Variants in YWHAE observed in about 807,000 individuals in gnomAD.
The protein encoded by YWHAE is tyrosine 3-monooxygenase/tryptophan 5-monooxygenase activation protein epsilon.
In YWHAE, 4 loss-of-function variants were observed where a neutral mutation model predicts 30.1. The ratio of observed to expected loss-of-function variants is 0.13; its 90% CI spans 0.07 to 0.30. YWHAE has a LOEUF of 0.30. YWHAE is among the 10% of genes least tolerant of loss of function. The pLI is 1.00. For missense variants in YWHAE, 121 were observed against 315.9 expected (o/e 0.38, Z 4.68); for synonymous variants, 118 against 111.8 (o/e 1.06, Z -0.35).
chr17:1,385,421 A>G (rs2073285526), intron 1 of YWHAE, among the ~76,000 whole-genome samples: 1 of 152,156 alleles, frequency 6.6e-6, no homozygotes, highest in Non-Finnish European at 1.5e-5. Flanking sequence ...ACGAAAAAGT[A>G]CACCATACTG....
intron 3 of YWHAE, 184 bp downstream of exon 3, chr17:1,361,718 T>A: frequency 1.9e-6 from 1 of 519,592 alleles, no homozygotes; most frequent in Non-Finnish European, 3.4e-6. Flanking sequence ...CAAAAGAATA[T>A]AAATAAGCAA....
At chr17:1,363,798 T>C (rs538958975) in intron 2 of YWHAE, among the ~76,000 whole-genome samples, 84 of 123,254 alleles carry the variant, frequency 6.8e-4, no homozygotes, top group Non-Finnish European at 1.3e-3. Context: ...CCAACCTCAC[T>C]TTCCACCTGC....
chr17:1,374,639 G>C (rs916261035), intron 1 of YWHAE, among the ~76,000 whole-genome samples: 4 of 152,164 alleles, frequency 2.6e-5, no homozygotes, highest in Admixed American at 6.5e-5. Context: ...GTGTGAAGCT[G>C]TATCTCTTTG....
intron 1 of YWHAE, among the ~76,000 whole-genome samples, chr17:1,377,096 TAA>T (rs2073137372): frequency 6.6e-6 from 1 of 152,024 alleles, no homozygotes; most frequent in South Asian, 2.1e-4. Flanking sequence ...ATATTTTTAG[TAA>T]AGACAGGGTT....
intron 4 of YWHAE, among the ~76,000 whole-genome samples, chr17:1,360,115 A>T (rs1286010963): frequency 6.6e-6 from 1 of 152,080 alleles, no homozygotes; most frequent in Non-Finnish European, 1.5e-5. Context: ...GGCATGCACC[A>T]CCACACCCGG....
chr17:1,387,924 CTTT>C (rs35930155), intron 1 of YWHAE, among the ~76,000 whole-genome samples: 5 of 75,708 alleles, frequency 6.6e-5, no homozygotes, highest in East Asian at 3.8e-4. Flanking sequence ...CTGCACCTGG[CTTT>C]TTTTTTTTTT....
In YWHAE at chr17:1,361,933, T is replaced by C. The variant is rs780263256; in HGVS notation, c.340A>G (p.Thr114Ala). ...TAATAGAAAACCTTGGACTCGCCAGTGTTAGCTGCTGGAATGAGGTGTTTG... is the reference window on the plus strand; with the variant it reads ...TAATAGAAAACCTTGGACTCGCCAGCGTTAGCTGCTGGAATGAGGTGTTTG... Reference protein sequence around the residue: ...LDKHLIPAANTGESKVFYYKM... With the variant: ...LDKHLIPAANAGESKVFYYKM... Residue 114 changes from threonine (T) to alanine (A), a missense_variant, in exon 3 of 6, where the codon ACT (threonine) becomes GCT (alanine). Transcript: ENST00000264335. 1 of 1,606,522 alleles carries C rather than the reference T, an allele frequency of 6.2e-7. No homozygotes were observed. The highest frequency in any genetic ancestry group is 8.5e-7 in the Non-Finnish European group (1 of 1,177,830).
chr17:1,383,420 G>A (rs2073248044), intron 1 of YWHAE, among the ~76,000 whole-genome samples: 1 of 142,584 alleles, frequency 7.0e-6, no homozygotes, highest in Non-Finnish European at 1.5e-5. Context: ...CGGAGTCTTG[G>A]TCTGTTGCCC....
In YWHAE at chr17:1,345,161, C is replaced by T. The variant is rs916368844; in HGVS notation, c.*286G>A. The stretch of plus-strand genomic sequence containing the variant: ...AATGGTGATCTTGCCACATCTGGCA[C>T]GGAGACGACACAGTAATGCTGAAAA... On this transcript the variant is annotated 3_prime_UTR_variant, in exon 6 of 6. Coordinates refer to ENST00000264335, the MANE Select transcript of YWHAE (RefSeq NM_006761.5). 2.1e-5 allele frequency: 9 copies of T among 438,868 alleles called. No individual in the cohort carries two copies. The highest frequency in any genetic ancestry group is 3.2e-5 in the Non-Finnish European group (8 of 247,260). The allele number at this position is 438,868 out of a possible 1,614,324, so 27.2% of individuals were successfully genotyped here. A position where few individuals can be genotyped will look rare whatever the true frequency, so the allele number is the denominator to read the frequency against.
chr17:1,374,232 T>C (rs1341133931), intron 1 of YWHAE, among the ~76,000 whole-genome samples: 1 of 151,692 alleles, frequency 6.6e-6, no homozygotes. Context: ...GCAGGACAAC[T>C]GCTTGAACAC....
At chr17:1,348,560 T>C (rs547642611) in intron 5 of YWHAE, among the ~76,000 whole-genome samples, 1 of 152,336 alleles carries the variant, frequency 6.6e-6, no homozygotes, top group East Asian at 1.9e-4. Context: ...ACGATTCTCC[T>C]ATATTCACCA....
chr17:1,370,231 A>T (rs950643191), intron 1 of YWHAE, among the ~76,000 whole-genome samples: 61 of 135,508 alleles, frequency 4.5e-4, no homozygotes, highest in African/African-American at 1.6e-3. Context: ...GGTTCACGCC[A>T]TTCTCCTGCC....
rs574005796 is a variant in YWHAE at position 1,354,461 on chromosome 17, G to A, written c.579-114C>T. 78 of 1,063,240 alleles carry A rather than the reference G, an allele frequency of 7.3e-5. No homozygotes were observed. The African/African-American group carries it at 1.1e-3, about 15-fold the overall frequency. The allele number at this position is 1,063,240 out of a possible 1,614,324, so 65.9% of individuals were successfully genotyped here. A position where few individuals can be genotyped will look rare whatever the true frequency, so the allele number is the denominator to read the frequency against. ...TATTCCAGTTTGTAATAGTCACAAT[G>A]ATAATGCAAAGAAAAAGCAAATACA... On this transcript the variant is annotated intron_variant, in intron 4 of 5. Coordinates refer to ENST00000264335, the MANE Select transcript of YWHAE (RefSeq NM_006761.5).
chr17:1,354,208 T>C lies in YWHAE; in HGVS notation c.715+3A>G, dbSNP rs772280984. On this transcript the variant is annotated splice_donor_region_variant and intron_variant, in intron 5 of 5. Transcript: ENST00000264335. ...GTGCCTGTTTCACTCCGTGCTTGCT[T>C]ACCGTCACCCTGCATGTCTGAAGTC... 1.9e-6 allele frequency: 3 copies of C among 1,612,538 alleles called. No individual in the cohort carries two copies. The highest frequency in any genetic ancestry group is 2.5e-6 in the Non-Finnish European group (3 of 1,179,438).
intron 1 of YWHAE, among the ~76,000 whole-genome samples, chr17:1,387,708 T>C (rs1016939291): frequency 6.6e-6 from 1 of 151,996 alleles, no homozygotes; most frequent in South Asian, 2.1e-4. Flanking sequence ...TGCAGCTTTC[T>C]ACCTCCCGAG....
chr17:1,385,606 G>C (rs906080677), intron 1 of YWHAE, among the ~76,000 whole-genome samples: 1 of 151,996 alleles, frequency 6.6e-6, no homozygotes, highest in Non-Finnish European at 1.5e-5. Context: ...GTATCAAAGA[G>C]TTAAAAACAA....
intron 1 of YWHAE, among the ~76,000 whole-genome samples, chr17:1,398,314 A>G (rs1457258302): frequency 7.4e-6 from 1 of 135,976 alleles, no homozygotes; most frequent in Non-Finnish European, 1.5e-5. Flanking sequence ...GCAGACCTTG[A>G]GCTGTACTTC....
intron 5 of YWHAE, among the ~76,000 whole-genome samples, chr17:1,347,127 A>C (rs2072534306): frequency 6.7e-6 from 1 of 148,708 alleles, no homozygotes; most frequent in Non-Finnish European, 1.5e-5. Flanking sequence ...GGAGATCGAG[A>C]CCATCCTGGC....
At chr17:1,348,115 A>C (rs1227160502) in intron 5 of YWHAE, 4 of 449,864 alleles carry the variant, frequency 8.9e-6, no homozygotes, top group Non-Finnish European at 1.2e-5. Context: ...CAGGAGCCGG[A>C]CTTTGGTCTT....
Sources: gnomAD v4.1 joint callset for allele counts (sites outside exome capture counted in the v4.1 genomes callset) on GRCh38, gnomAD v4.1.1 for gene constraint, MANE v1.5 for transcripts, NCBI Gene and HGNC (gene_info 2026-07-23, HGNC 2026-07-21) for gene names.